CSMD2: variants seen among roughly 807,000 people sequenced by gnomAD.
CSMD2 encodes the protein CUB and sushi domain-containing protein 2.
In CSMD2, 130 loss-of-function variants were observed where a neutral mutation model predicts 398.5. The observed-to-expected ratio is 0.33, with a 90% CI of 0.28 to 0.38. The LOEUF (loss-of-function observed/expected upper bound fraction) is 0.38. Ranked by LOEUF, CSMD2 falls within the 10% of genes least tolerant of loss-of-function variation. CSMD2 has a pLI of 1.00. For missense variants in CSMD2, 3,829 were observed against 4,764.9 expected (o/e 0.80, Z 5.78); for synonymous variants, 1,828 against 1,908.5 (o/e 0.96, Z 1.10).
chr1:33,679,586 T>C (rs1020022953), intron 25 of CSMD2, among the ~76,000 whole-genome samples: 5 of 152,192 alleles, frequency 3.3e-5, no homozygotes, highest in African/African-American at 1.2e-4. Context: ...TTTCAATCTA[T>C]CAAGCAGCGT....
At chr1:33,825,611 A>G (rs1033934217) in intron 7 of CSMD2, 86 bp downstream of exon 7, 13 of 1,169,552 alleles carry the variant, frequency 1.1e-5, no homozygotes, top group Non-Finnish European at 1.6e-5. Flanking sequence ...TCATTCCAGC[A>G]TCATCTGGCT....
At chr1:33,907,158 G>A (rs1444891673) in intron 5 of CSMD2, among the ~76,000 whole-genome samples, 38 of 132,698 alleles carry the variant, frequency 2.9e-4, no homozygotes, top group African/African-American at 8.7e-4. Context: ...TGGCTCTGTC[G>A]CCCAGGCTGG....
chr1:34,031,780 A>G, intron 3 of CSMD2, among the ~76,000 whole-genome samples: 1 of 151,806 alleles, frequency 6.6e-6, no homozygotes, highest in East Asian at 1.9e-4. Flanking sequence ...AAAAAAAAAA[A>G]AAAAAAAAGC....
chr1:33,579,884 G>A (rs1638574233), intron 48 of CSMD2, among the ~76,000 whole-genome samples: 1 of 152,056 alleles, frequency 6.6e-6, no homozygotes, highest in Admixed American at 6.5e-5. Flanking sequence ...TCACTATGTT[G>A]GTCAGGCTGG....
chr1:33,874,691 G>T (rs577281103), intron 5 of CSMD2, among the ~76,000 whole-genome samples: 1 of 152,134 alleles, frequency 6.6e-6, no homozygotes, highest in African/African-American at 2.4e-5. Context: ...AGTTTGATGG[G>T]CACCAGAAAC....
intron 62 of CSMD2, among the ~76,000 whole-genome samples, chr1:33,534,274 C>T (rs952861384): frequency 9.2e-5 from 14 of 152,168 alleles, no homozygotes; most frequent in Non-Finnish European, 2.1e-4. Context: ...ACCATCCTTG[C>T]CACAATCACA....
chr1:33,796,442 T>A (rs1277535189), intron 10 of CSMD2, among the ~76,000 whole-genome samples: 2 of 152,244 alleles, frequency 1.3e-5, no homozygotes, highest in African/African-American at 2.4e-5. Flanking sequence ...TTTACTTCAA[T>A]CTCTGAATGT....
intron 5 of CSMD2, among the ~76,000 whole-genome samples, chr1:33,882,581 T>A (rs541560055): frequency 3.5e-4 from 53 of 152,286 alleles, no homozygotes; most frequent in African/African-American, 1.1e-3. Flanking sequence ...AAAATTTGGT[T>A]CAAGGAGGAT....
At chr1:34,117,915 A>C (rs1165947732) in intron 1 of CSMD2, among the ~76,000 whole-genome samples, 1 of 152,162 alleles carries the variant, frequency 6.6e-6, no homozygotes, top group African/African-American at 2.4e-5. Context: ...TCATGATTAA[A>C]AGAAAAAACA....
intron 44 of CSMD2, among the ~76,000 whole-genome samples, chr1:33,596,220 G>T (rs752045095): frequency 5.9e-5 from 9 of 151,888 alleles, no homozygotes; most frequent in Non-Finnish European, 1.2e-4. Flanking sequence ...TCCTTTCCTG[G>T]GCTGAACCTT....
intron 3 of CSMD2, among the ~76,000 whole-genome samples, chr1:34,024,088 T>G (rs1649307415): frequency 1.3e-5 from 2 of 152,174 alleles, no homozygotes; most frequent in Non-Finnish European, 2.9e-5. Context: ...AAAGCTAGGG[T>G]TTGGATCCAC....
At chr1:33,888,992 C>G (rs577719825) in intron 5 of CSMD2, among the ~76,000 whole-genome samples, 85 of 152,128 alleles carry the variant, frequency 5.6e-4, no homozygotes, top group South Asian at 5.0e-3. Context: ...GGACAGTCTC[C>G]ATCTCCTGAC....
chr1:33,722,256 G>T (rs4653348), intron 19 of CSMD2, among the ~76,000 whole-genome samples: 41,567 of 152,088 alleles, frequency 0.27, 6,112 homozygotes, highest in South Asian at 0.4. Context: ...AGGTACAGTT[G>T]TCCCTCTGTA....
Position 33,523,362 on chromosome 1 carries a change from G to T in CSMD2, c.10454C>A (p.Pro3485His). The T allele has an allele frequency of 6.2e-7, 1 of 1,603,576 alleles. No individual in the cohort carries two copies. The highest frequency in any genetic ancestry group is 1.3e-5 in the African/African-American group (1 of 74,820). ...GAACTTATTCATAAAGATCTCCACA[G>T]GCCCTGTAATCTGGTACACCTGGAG... ...LLLQVYQITGPVEIFMNKFKD... is the reference protein window; with the variant it reads ...LLLQVYQITGHVEIFMNKFKD... The change falls in exon 67 of 71, where the codon CCT (proline) becomes CAT (histidine). Residue 3485 changes from proline (P) to histidine (H), a missense_variant. Pro to His is a moderately conservative substitution (Grantham distance 77). This residue lies in a region of CSMD2 where 917 missense variants were observed against 1,199.5 expected (regional missense o/e 0.76). Coordinates refer to ENST00000373381, the MANE Select transcript of CSMD2 (RefSeq NM_001281956.2).
intron 1 of CSMD2, among the ~76,000 whole-genome samples, chr1:34,157,834 C>T (rs1348275225): frequency 6.6e-6 from 1 of 152,130 alleles, no homozygotes; most frequent in Non-Finnish European, 1.5e-5. Context: ...TCCAATCCCA[C>T]CCCATCATGT....
intron 3 of CSMD2, among the ~76,000 whole-genome samples, chr1:33,980,683 T>C (rs1646134220): frequency 6.6e-6 from 1 of 152,226 alleles, no homozygotes; most frequent in South Asian, 2.1e-4. Context: ...GACCGTGGAC[T>C]AGGTGCTAAG....
chr1:33,645,386 CACACACAT>C lies in CSMD2; in HGVS notation c.4774+1254_4774+1261del, dbSNP rs1289846683. The stretch of plus-strand genomic sequence containing the variant: ...ACACACACACACACACACACACACA[CACACACAT>C]ATATAAAATATGCATGTATAAAATA... On this transcript the variant is annotated intron_variant, in intron 29 of 70. Coordinates refer to ENST00000373381, the MANE Select transcript of CSMD2 (RefSeq NM_001281956.2). 2.9e-3 allele frequency among the ~76,000 whole-genome samples: 421 copies of C among 143,030 alleles called. 4 individuals carry two copies. Among genetic ancestry groups the C allele is most frequent in the African/African-American group, 9.6e-3 (348 of 36,328 alleles). 93.8% of individuals were successfully genotyped at this position (143,030 alleles called of 152,430 possible).
intron 25 of CSMD2, among the ~76,000 whole-genome samples, chr1:33,667,233 G>A (rs900996450): frequency 1.3e-5 from 2 of 152,174 alleles, no homozygotes; most frequent in Admixed American, 1.3e-4. Flanking sequence ...ATGAATGAAC[G>A]AATGAAACCC....
At chr1:33,812,166 GA>G (rs1163696393) in intron 9 of CSMD2, among the ~76,000 whole-genome samples, 2 of 152,136 alleles carry the variant, frequency 1.3e-5, no homozygotes, top group Admixed American at 1.3e-4. Context: ...TATGGGCCAG[GA>G]AAAGTGTGGG....
Sources: allele counts gnomAD v4.1 joint callset (sites outside exome capture counted in the v4.1 genomes callset), GRCh38; gene constraint gnomAD v4.1.1; regional missense constraint gnomAD v4.1.1; transcripts MANE v1.5; gene names NCBI Gene and HGNC (gene_info 2026-07-23, HGNC 2026-07-21).